Variants in SLC22A15 observed in about 807,000 individuals in gnomAD.
SLC22A15 encodes the protein flipt 1.
Under a neutral mutation model 62.7 loss-of-function variants are expected in SLC22A15, and 45 were observed. The observed-to-expected ratio is 0.72, with a 90% CI of 0.56 to 0.92. SLC22A15 has a LOEUF of 0.92. SLC22A15 is among the 40% of genes least tolerant of loss of function. The probability of loss-of-function intolerance (pLI) is 0.00; values close to 1 mark genes in which losing one functional copy is unlikely to be tolerated. For synonymous variants in SLC22A15, 264 were observed against 267.0 expected (o/e 0.99, Z 0.11); for missense variants, 622 against 665.6 (o/e 0.93, Z 0.72).
chr1:115,993,646 T>C (rs1655268332), intron 2 of SLC22A15, among the ~76,000 whole-genome samples: 1 of 152,072 alleles, frequency 6.6e-6, no homozygotes, highest in Non-Finnish European at 1.5e-5. Context: ...AAAGTTACTA[T>C]ACTAACTTTT....
intron 8 of SLC22A15, among the ~76,000 whole-genome samples, chr1:116,046,246 A>G (rs1657926931): frequency 6.6e-6 from 1 of 152,204 alleles, no homozygotes; most frequent in African/African-American, 2.4e-5. Flanking sequence ...AAAAAAATTC[A>G]TGACCTAGAC....
At chr1:116,058,187 A>T (rs1050317079) in intron 8 of SLC22A15, among the ~76,000 whole-genome samples, 2 of 152,192 alleles carry the variant, frequency 1.3e-5, no homozygotes, top group African/African-American at 4.8e-5. Flanking sequence ...GACAACCCAC[A>T]GAGTGGGAGA....
intron 9 of SLC22A15, 37 bp downstream of exon 9, chr1:116,062,919 T>C (rs1658417131): frequency 6.2e-7 from 1 of 1,606,894 alleles, no homozygotes; most frequent in Admixed American, 1.7e-5. Flanking sequence ...TCACACATTC[T>C]ACACTTTGTC....
chr1:116,032,740 C>T (rs1657469305), intron 6 of SLC22A15: 1 of 630,622 alleles, frequency 1.6e-6, no homozygotes, highest in Non-Finnish European at 2.0e-6. Context: ...CCAAACCTGA[C>T]AACACAACAT....
At chr1:115,995,492 C>T (rs1655377545) in intron 2 of SLC22A15, among the ~76,000 whole-genome samples, 1 of 152,120 alleles carries the variant, frequency 6.6e-6, no homozygotes, top group Admixed American at 6.5e-5. Flanking sequence ...CGCAGGTGAT[C>T]TCCCCTCCTT....
At position 115,992,024 on chromosome 1, in the gene SLC22A15, C is replaced by G; in HGVS notation, c.88-7C>G. The stretch of plus-strand genomic sequence containing the variant: ...CAGTGTTTGGTTCTGTGTGTTTGCT[C>G]TTTCAGCTCTACGTGGCCACGGAGG... On this transcript the variant is annotated splice_polypyrimidine_tract_variant and splice_region_variant and intron_variant, in intron 1 of 11. Coordinates refer to ENST00000369503, the MANE Select transcript of SLC22A15 (RefSeq NM_018420.3). 6.2e-7 allele frequency: 1 copy of G among 1,612,630 alleles called. No homozygotes were observed. Among genetic ancestry groups the G allele is most frequent in the East Asian group, 2.2e-5 (1 of 44,872 alleles).
intron 8 of SLC22A15, among the ~76,000 whole-genome samples, chr1:116,061,828 A>C (rs1039921340): frequency 6.6e-6 from 1 of 152,244 alleles, no homozygotes; most frequent in Admixed American, 6.5e-5. Context: ...AAAGCATTAC[A>C]TTAAGAAACT....
intron 8 of SLC22A15, among the ~76,000 whole-genome samples, chr1:116,059,057 A>G (rs998711020): frequency 6.6e-6 from 1 of 152,176 alleles, no homozygotes; most frequent in African/African-American, 2.4e-5. Flanking sequence ...ACCACTAAAG[A>G]ACTTACTCAT....
intron 8 of SLC22A15, among the ~76,000 whole-genome samples, chr1:116,055,673 T>C (rs925969391): frequency 1.2e-4 from 19 of 152,006 alleles, no homozygotes; most frequent in South Asian, 2.1e-4. Flanking sequence ...ACTGGCAAAC[T>C]GAATCCAGCA....
At chr1:116,011,089 C>T (rs887294428) in intron 2 of SLC22A15, among the ~76,000 whole-genome samples, 6 of 152,274 alleles carry the variant, frequency 3.9e-5, no homozygotes, top group African/African-American at 1.4e-4. Flanking sequence ...ATGTGGGTCC[C>T]TGAAAAAGTC....
At chr1:115,977,699 G>A (rs1358733432) in intron 1 of SLC22A15, among the ~76,000 whole-genome samples, 1 of 152,200 alleles carries the variant, frequency 6.6e-6, no homozygotes, top group African/African-American at 2.4e-5. Context: ...GTGGCTGCGG[G>A]TGGGGCAGGC....
chr1:115,991,664 A>G (rs1419418075), intron 1 of SLC22A15, among the ~76,000 whole-genome samples: 1 of 152,210 alleles, frequency 6.6e-6, no homozygotes, highest in Non-Finnish European at 1.5e-5. Context: ...TTGAAGAGAT[A>G]ATAGCTGGAA....
rs550700957 is a variant in SLC22A15 at position 116,068,559 on chromosome 1, T to G, written c.*1451T>G. Reference sequence around the variant, plus strand: ...TTTTTATGTCTTTTATGCCCTTGATTATTAGTTGGGCTCTTCATAAACAGA... The same window carrying G: ...TTTTTATGTCTTTTATGCCCTTGATGATTAGTTGGGCTCTTCATAAACAGA... On this transcript the variant is annotated 3_prime_UTR_variant, in exon 12 of 12. Coordinates refer to ENST00000369503, the MANE Select transcript of SLC22A15 (RefSeq NM_018420.3). 6.6e-6 allele frequency: 1 copy of G among 152,362 alleles called. No individual in the cohort carries two copies. Among genetic ancestry groups the G allele is most frequent in the East Asian group, 1.9e-4 (1 of 5,190 alleles). The allele number at this position is 152,362 out of a possible 1,614,324, so 9.4% of individuals were successfully genotyped here. A position where few individuals can be genotyped will look rare whatever the true frequency, so the allele number is the denominator to read the frequency against.
intron 2 of SLC22A15, among the ~76,000 whole-genome samples, chr1:116,010,206 A>G (rs965084684): frequency 6.6e-6 from 1 of 152,230 alleles, no homozygotes; most frequent in African/African-American, 2.4e-5. Flanking sequence ...TATCACGGAG[A>G]CACACAATTA....
chr1:116,064,989 GTC>G (rs1427804334), intron 10 of SLC22A15, among the ~76,000 whole-genome samples: 1 of 152,056 alleles, frequency 6.6e-6, no homozygotes, highest in Admixed American at 6.6e-5. Flanking sequence ...GGAGAAATAT[GTC>G]TCTCACTGTG....
At chr1:116,061,016 C>G (rs1658366861) in intron 8 of SLC22A15, among the ~76,000 whole-genome samples, 1 of 152,118 alleles carries the variant, frequency 6.6e-6, no homozygotes, top group Non-Finnish European at 1.5e-5. Context: ...GTCTATGCCT[C>G]CCTCCTTTCA....
chr1:116,059,845 C>T (rs1422933915), intron 8 of SLC22A15, among the ~76,000 whole-genome samples: 1 of 152,074 alleles, frequency 6.6e-6, no homozygotes, highest in African/African-American at 2.4e-5. Flanking sequence ...TGCTGGTGAT[C>T]CCAAATGGTA....
chr1:115,979,672 G>T (rs573742075), intron 1 of SLC22A15, among the ~76,000 whole-genome samples: 12 of 152,252 alleles, frequency 7.9e-5, no homozygotes, highest in African/African-American at 2.9e-4. Context: ...TTTTGTGTTT[G>T]TGTATGTGTT....
intron 2 of SLC22A15, among the ~76,000 whole-genome samples, chr1:116,018,510 GT>G (rs1488879855): frequency 1.3e-5 from 2 of 152,016 alleles, no homozygotes; most frequent in Non-Finnish European, 2.9e-5. Flanking sequence ...GACTACAGGC[GT>G]CCACCACCAC....
Sources: gnomAD v4.1 joint callset for allele counts (sites outside exome capture counted in the v4.1 genomes callset) on GRCh38, gnomAD v4.1.1 for gene constraint, MANE v1.5 for transcripts, NCBI Gene and HGNC (gene_info 2026-07-23, HGNC 2026-07-21) for gene names.